Variants in SLC14A2 observed in about 807,000 individuals in gnomAD.
SLC14A2 encodes the protein solute carrier family 14 member 2.
Under a neutral mutation model 104.6 loss-of-function variants are expected in SLC14A2, and 91 were observed. That is an observed-to-expected ratio of 0.87 (90% confidence interval 0.73 to 1.04). The LOEUF (loss-of-function observed/expected upper bound fraction) is 1.04. Ranked by LOEUF, SLC14A2 falls within the 50% of genes least tolerant of loss-of-function variation. The pLI is 0.00. For missense variants in SLC14A2, 1,189 were observed against 1,156.0 expected, an observed-to-expected ratio of 1.03 and a Z score of -0.41; for synonymous variants, 476 against 466.4, an observed-to-expected ratio of 1.02 and a Z score of -0.27.
chr18:45,218,583 A>G (rs2084031794), intron 1 of SLC14A2, among the ~76,000 whole-genome samples: 1 of 152,246 alleles, frequency 6.6e-6, no homozygotes, highest in Non-Finnish European at 1.5e-5. Context: ...CACCAGAAAT[A>G]GCATTTCCTC....
chr18:45,660,331 A>C (rs2045918658), intron 10 of SLC14A2, among the ~76,000 whole-genome samples: 1 of 152,182 alleles, frequency 6.6e-6, no homozygotes, highest in Non-Finnish European at 1.5e-5. Flanking sequence ...GAGTCAATGC[A>C]GGTAGGTGTA....
intron 6 of SLC14A2, among the ~76,000 whole-genome samples, chr18:45,637,991 C>T (rs1004320430): frequency 3.9e-5 from 6 of 152,132 alleles, no homozygotes; most frequent in South Asian, 4.1e-4. Flanking sequence ...TAGATCCCAG[C>T]GGAGGAAGCT....
chr18:45,666,938 C>G lies in SLC14A2; in HGVS notation c.1561C>G (p.Leu521Val), dbSNP rs771131024. 3 of 1,613,716 alleles carry G rather than the reference C, an allele frequency of 1.9e-6. No homozygotes were observed. In the South Asian group the frequency reaches 3.3e-5, roughly 18 times the overall value. Residue 521 changes from leucine (L) to valine (V), a missense_variant, in exon 13 of 20, where the codon CTG becomes GTG. Leu to Val is a conservative substitution (Grantham distance 32). Coordinates refer to ENST00000255226, the MANE Select transcript of SLC14A2 (RefSeq NM_007163.4). ...YRKPTVELLD[L>V]DTMEESSEIK... ...TGCCTATCTCTGTCCTGGACAGGATCTGGACACCATGGAGGAGAGCTCTGA... is the reference window on the plus strand; with the variant it reads ...TGCCTATCTCTGTCCTGGACAGGATGTGGACACCATGGAGGAGAGCTCTGA...
chr18:45,627,489 TAA>T (rs2045278715), intron 4 of SLC14A2, among the ~76,000 whole-genome samples: 1 of 152,066 alleles, frequency 6.6e-6, no homozygotes, highest in Non-Finnish European at 1.5e-5. Flanking sequence ...GGACAGTATA[TAA>T]TTGAGTTCAG....
chr18:45,613,061 G>A (rs541146014), upstream of SLC14A2, among the ~76,000 whole-genome samples: 5 of 152,160 alleles, frequency 3.3e-5, no homozygotes, highest in African/African-American at 1.2e-4. Flanking sequence ...TTTTGAGACA[G>A]TCTCACTCTG....
At chr18:45,530,034 C>T (rs942716234) in intron 2 of SLC14A2, among the ~76,000 whole-genome samples, 7 of 152,126 alleles carry the variant, frequency 4.6e-5, no homozygotes, top group Admixed American at 4.6e-4. Flanking sequence ...GTGTCCCATA[C>T]AAATTTTTGT....
intron 2 of SLC14A2, among the ~76,000 whole-genome samples, chr18:45,521,693 A>G (rs1568256837): frequency 6.6e-6 from 1 of 152,080 alleles, no homozygotes; most frequent in Non-Finnish European, 1.5e-5. Flanking sequence ...TGTATTCCAT[A>G]AACCAGCAAG....
At chr18:45,205,987 A>G in the SLC14A2 span, among the ~76,000 whole-genome samples, 1 of 152,240 alleles carries the variant, frequency 6.6e-6, no homozygotes, top group Non-Finnish European at 1.5e-5. Context: ...CATTTAGCAT[A>G]AGGCTCTCAA....
chr18:45,437,089 T>G (rs996903950), intron 1 of SLC14A2, among the ~76,000 whole-genome samples: 13 of 152,204 alleles, frequency 8.5e-5, no homozygotes, highest in African/African-American at 2.7e-4. Context: ...CAGGCACGTA[T>G]AGATGTACGC....
chr18:45,625,646 C>T, intron 2 of SLC14A2, 37 bp from the exon 3 acceptor site: 1 of 1,494,474 alleles, frequency 6.7e-7, no homozygotes, highest in Non-Finnish European at 8.9e-7. Context: ...TCTCAGAAAG[C>T]TGTATCATTT....
At chr18:45,579,824 G>A (rs2044463168) in intron 2 of SLC14A2, among the ~76,000 whole-genome samples, 1 of 152,206 alleles carries the variant, frequency 6.6e-6, no homozygotes, top group Non-Finnish European at 1.5e-5. Flanking sequence ...AATTTTACTT[G>A]GGGGTGTTGG....
chr18:45,601,050 C>T (rs939513301), intron 2 of SLC14A2, among the ~76,000 whole-genome samples: 2 of 152,168 alleles, frequency 1.3e-5, no homozygotes, highest in Non-Finnish European at 2.9e-5. Flanking sequence ...AGTCATCTGC[C>T]TCCAGAGCCT....
chr18:45,311,888 G>A (rs12954053), intron 1 of SLC14A2, among the ~76,000 whole-genome samples: 39,094 of 152,198 alleles, frequency 0.26, 6,055 homozygotes, highest in African/African-American at 0.43. Context: ...AGGCCAAGAC[G>A]TGGGAGATGA....
the SLC14A2 span, among the ~76,000 whole-genome samples, chr18:45,174,588 G>C: frequency 3.3e-5 from 5 of 152,110 alleles, no homozygotes; most frequent in African/African-American, 1.2e-4. Context: ...ATCCGTCCCT[G>C]CTTCGTTCCA....
intron 2 of SLC14A2, among the ~76,000 whole-genome samples, chr18:45,487,571 C>T (rs1418232559): frequency 2.0e-5 from 3 of 152,088 alleles, no homozygotes; most frequent in African/African-American, 7.2e-5. Context: ...TTGTGGATAC[C>T]TGTTGCAGGT....
At chr18:45,470,195 T>C (rs891136625) in intron 1 of SLC14A2, among the ~76,000 whole-genome samples, 1 of 152,202 alleles carries the variant, frequency 6.6e-6, no homozygotes, top group Non-Finnish European at 1.5e-5. Flanking sequence ...TTCAATAAAG[T>C]TTCTATCTTT....
At chr18:45,674,295 G>A (rs1256756005) in intron 18 of SLC14A2, among the ~76,000 whole-genome samples, 2 of 152,072 alleles carry the variant, frequency 1.3e-5, no homozygotes, top group Admixed American at 6.5e-5. Context: ...CTTTTGAGCA[G>A]AACATTTAAA....
In SLC14A2 at chr18:45,516,919, G is replaced by A. The variant is rs77514027; in HGVS notation, c.-35+33597G>A. 8.9e-3 allele frequency among the ~76,000 whole-genome samples: 1,362 copies of A among 152,324 alleles called. 19 individuals are homozygous for A. The highest frequency in any genetic ancestry group is 0.031 in the African/African-American group (1,290 of 41,584). ...GCTGTGAGCAGAGAAAGCTTCACATGGGAGTGGAACTTGAGCCTTGAAAGG... is the reference window on the plus strand; with the variant it reads ...GCTGTGAGCAGAGAAAGCTTCACATAGGAGTGGAACTTGAGCCTTGAAAGG... On this transcript the variant is annotated intron_variant, in intron 2 of 20. Transcript: ENST00000586448.
chr18:45,509,871 C>T (rs2043340477), intron 2 of SLC14A2, among the ~76,000 whole-genome samples: 2 of 152,224 alleles, frequency 1.3e-5, no homozygotes, highest in Admixed American at 6.5e-5. Flanking sequence ...ACCTCTGCTG[C>T]ATAGAGAAAG....
Sources: allele counts gnomAD v4.1 joint callset (sites outside exome capture counted in the v4.1 genomes callset), GRCh38; gene constraint gnomAD v4.1.1; transcripts MANE v1.5; gene names NCBI Gene and HGNC (gene_info 2026-07-23, HGNC 2026-07-21).